DENND1B: variants seen among roughly 807,000 people sequenced by gnomAD.
DENND1B encodes DENN domain containing 1B.
Under a neutral mutation model 90.1 loss-of-function variants are expected in DENND1B, and 59 were observed. The ratio of observed to expected loss-of-function variants is 0.65; its 90% CI spans 0.53 to 0.81. The LOEUF (loss-of-function observed/expected upper bound fraction) is 0.81. DENND1B is among the 40% of genes least tolerant of loss of function. The pLI, the probability that DENND1B is intolerant of heterozygous loss-of-function variation, is 0.00. For synonymous variants in DENND1B, 337 were observed against 324.6 expected (o/e 1.04, Z -0.41); for missense variants, 862 against 912.6 (o/e 0.94, Z 0.71).
chr1:197,611,952 T>C lies in DENND1B; in HGVS notation c.798A>G (p.Gly266=). Residue 266 remains glycine, a synonymous_variant, in exon 12 of 23, where the codon GGA becomes GGG. Transcript: ENST00000620048. ...TCACCTCTATGAGGCTGGAGTGTAT[T>C]CCAATCAGGTATGGCATTGGGGCAC... ...YCCAPMPYLI[G]IHSSLIERVK... The C allele has an allele frequency of 1.2e-6, 2 of 1,604,210 alleles. No individual in the cohort carries two copies. Among genetic ancestry groups the C allele is most frequent in the Non-Finnish European group, 1.7e-6 (2 of 1,173,346 alleles).
intron 3 of DENND1B, among the ~76,000 whole-genome samples, chr1:197,692,799 G>A (rs1387407839): frequency 1.3e-5 from 2 of 151,684 alleles, no homozygotes; most frequent in Non-Finnish European, 3.0e-5. Context: ...AAAGACATAG[G>A]TTGGGGCCTA....
At chr1:197,749,654 G>T (rs758707913) in intron 2 of DENND1B, among the ~76,000 whole-genome samples, 1 of 152,036 alleles carries the variant, frequency 6.6e-6, no homozygotes, top group Non-Finnish European at 1.5e-5. Context: ...AGAAAATGAG[G>T]CCAGATCATA....
At chr1:197,776,668 C>CA (rs1197892326), upstream of DENND1B, among the ~76,000 whole-genome samples, 2 of 152,098 alleles carry the variant, frequency 1.3e-5, no homozygotes, top group Non-Finnish European at 2.9e-5. Context: ...TTAAAAAACT[C>CA]AAGAGTCAGA....
At chr1:197,582,131 C>T (rs939392991) in intron 15 of DENND1B, among the ~76,000 whole-genome samples, 1 of 152,128 alleles carries the variant, frequency 6.6e-6, no homozygotes, top group African/African-American at 2.4e-5. Flanking sequence ...AACCTTAACC[C>T]TTTCCTTAAT....
At chr1:197,630,271 C>G (rs1278754786) in intron 10 of DENND1B, among the ~76,000 whole-genome samples, 3 of 152,144 alleles carry the variant, frequency 2.0e-5, no homozygotes, top group Middle Eastern at 6.8e-3. Context: ...GAGTTTATTT[C>G]TCACCATTCT....
intron 5 of DENND1B, among the ~76,000 whole-genome samples, chr1:197,667,646 G>A (rs765775329): frequency 1.9e-4 from 29 of 152,062 alleles, no homozygotes; most frequent in South Asian, 4.1e-4. Context: ...TAATCCGCCC[G>A]CCTCGGCCTC....
chr1:197,517,566 C>T (rs1668486405), intron 20 of DENND1B, among the ~76,000 whole-genome samples: 1 of 151,884 alleles, frequency 6.6e-6, no homozygotes, highest in Non-Finnish European at 1.5e-5. Context: ...TAGTAACTGC[C>T]TACCCCATAT....
chr1:197,718,229 A>G (rs749743493), intron 2 of DENND1B, among the ~76,000 whole-genome samples: 1 of 152,024 alleles, frequency 6.6e-6, no homozygotes, highest in Non-Finnish European at 1.5e-5. Flanking sequence ...AAATCTATGC[A>G]GTGCTAAAGA....
chr1:197,698,870 G>A (rs929338233), intron 3 of DENND1B, among the ~76,000 whole-genome samples: 12 of 152,076 alleles, frequency 7.9e-5, no homozygotes, highest in African/African-American at 2.9e-4. Context: ...CGAAGAAGTC[G>A]AATCCCTGAA....
chr1:197,515,620 C>T (rs1326827107), intron 20 of DENND1B, among the ~76,000 whole-genome samples: 1 of 151,720 alleles, frequency 6.6e-6, no homozygotes, highest in Non-Finnish European at 1.5e-5. Flanking sequence ...AAAATCACTG[C>T]TACTTAAGAA....
rs1022122362 is a variant in DENND1B at position 197,686,592 on chromosome 1, T to G, written c.127-12423A>C. Reference sequence around the variant, plus strand: ...ACTTTAACATGTGTTTATTAAGAAATGTACTAAGAAATGTACTATGTATGA... The same window carrying G: ...ACTTTAACATGTGTTTATTAAGAAAGGTACTAAGAAATGTACTATGTATGA... On this transcript the variant is annotated intron_variant, in intron 3 of 22. Transcript: ENST00000620048. Among the ~76,000 whole-genome samples, 3 of 152,154 alleles carry G rather than the reference T, an allele frequency of 2.0e-5. No individual in the cohort carries two copies. The East Asian group carries it at 5.8e-4, about 29-fold the overall frequency.
At chr1:197,743,065 C>A (rs1663365324) in intron 2 of DENND1B, among the ~76,000 whole-genome samples, 1 of 152,106 alleles carries the variant, frequency 6.6e-6, no homozygotes, top group African/African-American at 2.4e-5. Context: ...GGGTTTTATT[C>A]CAGACTATCT....
intron 2 of DENND1B, chr1:197,734,473 T>A (rs1185068306): frequency 1.0e-6 from 1 of 980,070 alleles, no homozygotes; most frequent in Non-Finnish European, 1.2e-6. Flanking sequence ...GTGAAAACTA[T>A]ATATGATTAC....
chr1:197,740,879 T>G (rs1663146884), intron 2 of DENND1B, among the ~76,000 whole-genome samples: 1 of 152,210 alleles, frequency 6.6e-6, no homozygotes, highest in Non-Finnish European at 1.5e-5. Context: ...TAAGCATTTG[T>G]CACATTCACT....
intron 11 of DENND1B, among the ~76,000 whole-genome samples, chr1:197,614,357 G>C (rs1677450329): frequency 6.6e-6 from 1 of 150,942 alleles, no homozygotes; most frequent in South Asian, 2.1e-4. Flanking sequence ...GCAGAATATA[G>C]AGTGAATAGT....
At chr1:197,611,222 T>A (rs747233434) in intron 12 of DENND1B, among the ~76,000 whole-genome samples, 5 of 150,868 alleles carry the variant, frequency 3.3e-5, no homozygotes, top group African/African-American at 1.2e-4. Context: ...CACCACTCAA[T>A]TGACCCAAGA....
intron 10 of DENND1B, among the ~76,000 whole-genome samples, chr1:197,634,604 A>T (rs1679611520): frequency 6.6e-6 from 1 of 152,196 alleles, no homozygotes; most frequent in Non-Finnish European, 1.5e-5. Context: ...TCCCTAAGGC[A>T]TTACTGTTTT....
At position 197,508,208 on chromosome 1, in the gene DENND1B, T is replaced by C. The variant is rs1238465103; in HGVS notation, c.*2252A>G. 1.3e-5 allele frequency: 2 copies of C among 151,646 alleles called. No individual in the cohort carries two copies. The highest frequency in any genetic ancestry group is 3.0e-5 in the Non-Finnish European group (2 of 67,764). The allele number at this position is 151,646 out of a possible 1,614,324, so 9.4% of individuals were successfully genotyped here. A position where few individuals can be genotyped will look rare whatever the true frequency, so the allele number is the denominator to read the frequency against. On this transcript the variant is annotated 3_prime_UTR_variant, in exon 23 of 23. Transcript: ENST00000620048. ...AAAACAAACAAAAAACCATACCTCA[T>C]TTCAAAATTCATATTAAAATGCTGA...
chr1:197,567,290 A>G (rs1288204298), intron 15 of DENND1B, among the ~76,000 whole-genome samples: 2 of 152,094 alleles, frequency 1.3e-5, no homozygotes, highest in African/African-American at 2.4e-5. Flanking sequence ...ATTCCTAGAT[A>G]CAACCTATCA....
Sources: gnomAD v4.1 joint callset for allele counts (sites outside exome capture counted in the v4.1 genomes callset) on GRCh38, gnomAD v4.1.1 for gene constraint, MANE v1.5 for transcripts, NCBI Gene and HGNC (gene_info 2026-07-23, HGNC 2026-07-21) for gene names.